The following SUPT20H variants were observed in gnomAD, a reference collection of about 807,000 sequenced individuals.
SUPT20H encodes the protein SPT20 homolog, SAGA complex component.
A neutral mutation model predicts 122.8 loss-of-function variants in SUPT20H; 82 were observed. That is an observed-to-expected ratio of 0.67 (90% CI 0.56 to 0.80). The LOEUF (loss-of-function observed/expected upper bound fraction) is 0.80, where lower values mean the gene tolerates loss of function less well. SUPT20H is among the 30% of genes least tolerant of loss of function. SUPT20H has a pLI of 0.00. For missense variants in SUPT20H, 831 were observed against 921.6 expected (o/e 0.90, Z 1.27); for synonymous variants, 291 against 313.0 (o/e 0.93, Z 0.74).
rs1219518107 is a variant in SUPT20H, at chr13:37,033,570, C to G, written c.586G>C (p.Glu196Gln). The change falls in exon 10 of 26, where the codon GAG (glutamate) becomes CAG (glutamine). Residue 196 changes from glutamate (E) to glutamine (Q), a missense_variant. Physicochemically the swap from Glu to Gln is conservative, Grantham distance 29 (BLOSUM62 2). Transcript: ENST00000350612. ...GCTGTAGCTAGGATGAGCTGGCTCTCAAGCAAAAGTTTGTCTTCCTGAAAT... is the reference window on the plus strand; with the variant it reads ...GCTGTAGCTAGGATGAGCTGGCTCTGAAGCAAAAGTTTGTCTTCCTGAAAT... ...KWTQEDKLLL[E>Q]SQLILATAEP... 1 of 1,613,062 alleles carries G rather than the reference C, an allele frequency of 6.2e-7. No individual in the cohort carries two copies. Among genetic ancestry groups the G allele is most frequent in the Admixed American group, 1.7e-5 (1 of 59,850 alleles).
At chr13:37,012,591 A>G (rs528582776) in intron 23 of SUPT20H, 10 of 199,056 alleles carry the variant, frequency 5.0e-5, no homozygotes, top group African/African-American at 2.3e-4. Flanking sequence ...AGCTTAAAAC[A>G]CCCTTTGTAA....
At chr13:37,050,023 C>A (rs940725982) in intron 2 of SUPT20H, among the ~76,000 whole-genome samples, 1 of 152,074 alleles carries the variant, frequency 6.6e-6, no homozygotes. Flanking sequence ...TACTGCCACC[C>A]TTTGGAAATC....
intron 15 of SUPT20H, among the ~76,000 whole-genome samples, chr13:37,026,455 G>A (rs1402781706): frequency 1.3e-5 from 2 of 152,060 alleles, no homozygotes; most frequent in African/African-American, 4.8e-5. Flanking sequence ...TAATTTGGTT[G>A]ATTTAATTAA....
chr13:37,048,519 A>G lies in SUPT20H; in HGVS notation c.39+45T>C, dbSNP rs774081626. 5.2e-6 allele frequency: 8 copies of G among 1,528,158 alleles called. No homozygotes were observed. The African/African-American group carries it at 5.6e-5, about 11-fold the overall frequency. 94.7% of individuals were successfully genotyped at this position (1,528,158 alleles called of 1,614,324 possible). The stretch of plus-strand genomic sequence containing the variant: ...ATCTCTTAAAACTGAGCTTTTGTCA[A>G]TTAAAGACAACACTATTTCAATATG... On this transcript the variant is annotated intron_variant, in intron 3 of 25. Transcript: ENST00000350612.
chr13:37,055,954 G>A (rs1027462064), intron 1 of SUPT20H, among the ~76,000 whole-genome samples: 7 of 152,136 alleles, frequency 4.6e-5, no homozygotes, highest in Non-Finnish European at 7.4e-5. Context: ...ATCAGTGGGC[G>A]AAGGATATGA....
chr13:37,047,659 T>C (rs1182102596), intron 4 of SUPT20H, 58 bp from the exon 5 acceptor site: 5 of 1,301,616 alleles, frequency 3.8e-6, no homozygotes, highest in Non-Finnish European at 4.1e-6. Flanking sequence ...CATCATGACA[T>C]GAATGTTATT....
chr13:37,012,157 G>A, intron 24 of SUPT20H, 35 bp downstream of exon 24: 1 of 1,499,318 alleles, frequency 6.7e-7, no homozygotes, highest in South Asian at 1.1e-5. Flanking sequence ...GATATGTTTA[G>A]TAAATTCAGC....
At chr13:37,032,794 A>G (rs1223528379) in intron 10 of SUPT20H, among the ~76,000 whole-genome samples, 1 of 152,164 alleles carries the variant, frequency 6.6e-6, no homozygotes, top group Non-Finnish European at 1.5e-5. Flanking sequence ...TCAGGGAATG[A>G]CTATTTGAAG....
At position 37,024,415 on chromosome 13, in the gene SUPT20H, A is replaced by C; in HGVS notation, c.1357T>G (p.Ser453Ala). 1 of 1,576,612 alleles carries C rather than the reference A, an allele frequency of 6.3e-7. No individual in the cohort carries two copies. Among genetic ancestry groups the C allele is most frequent in the Admixed American group, 1.9e-5 (1 of 52,146 alleles). Residue 453 changes from serine (S) to alanine (A), a missense_variant, in exon 18 of 26, where the codon TCG becomes GCG. By Grantham distance (99) the Ser-to-Ala change is moderately conservative (BLOSUM62 1). Coordinates refer to ENST00000350612, the MANE Select transcript of SUPT20H (RefSeq NM_001014286.3). ...TGTTTTACACCCTTCCCCAATACCG[A>C]AGACTGAACTGACACGGTTTCAGTT... ...DQTETVSVQS[S>A]VLGKGVKHRP...
At chr13:37,045,207 C>T (rs762975368) in intron 6 of SUPT20H, 40 bp downstream of exon 6, 6 of 1,606,480 alleles carry the variant, frequency 3.7e-6, no homozygotes, top group Non-Finnish European at 5.1e-6. Context: ...TCCTGCCTAG[C>T]AAAAGTATTT....
rs1229457684 is a variant in SUPT20H, at chr13:37,022,253, A to G, written c.1592-173T>C. 2.6e-5 allele frequency: 40 copies of G among 1,540,084 alleles called. No homozygotes were observed. Among genetic ancestry groups the G allele is most frequent in the Non-Finnish European group, 7.0e-6 (8 of 1,141,164 alleles). On this transcript the variant is annotated intron_variant, in intron 19 of 25. Coordinates refer to ENST00000350612, the MANE Select transcript of SUPT20H (RefSeq NM_001014286.3). The surrounding 1 kb of genome is among the most constrained non-coding windows in gnomAD (Gnocchi z 4.5). ...GGGTACTAGGAGTTGAGCTCTGAGC[A>G]TCAGGAGGGTGTGGGGTCGATGAAG... is the stretch of plus-strand genomic sequence containing the variant.
intron 7 of SUPT20H, among the ~76,000 whole-genome samples, chr13:37,041,108 C>T (rs2065384283): frequency 6.6e-6 from 1 of 152,154 alleles, no homozygotes; most frequent in African/African-American, 2.4e-5. Flanking sequence ...CCAACCTTGC[C>T]AGTGTTTTAG....
At chr13:37,033,355 G>T in intron 10 of SUPT20H, 94 bp downstream of exon 10, 1 of 1,460,702 alleles carries the variant, frequency 6.8e-7, no homozygotes. Flanking sequence ...CACCAAAATC[G>T]GAGCAACCAT....
At chr13:37,046,042 T>A (rs1356846930) in intron 5 of SUPT20H, among the ~76,000 whole-genome samples, 2 of 152,084 alleles carry the variant, frequency 1.3e-5, no homozygotes, top group African/African-American at 2.4e-5. Context: ...TGTCATCAAA[T>A]CTTATTTAGC....
intron 7 of SUPT20H, 26 bp from the exon 8 acceptor site, chr13:37,040,718 T>A: frequency 6.4e-7 from 1 of 1,574,088 alleles, no homozygotes; most frequent in Non-Finnish European, 8.7e-7. Context: ...TACGTAAACG[T>A]CATTTTTTTT....
chr13:37,025,182 T>A (rs1427144659), intron 17 of SUPT20H, 138 bp downstream of exon 17: 14 of 725,358 alleles, frequency 1.9e-5, no homozygotes, highest in Non-Finnish European at 2.7e-5. Flanking sequence ...CCTCAGGTGA[T>A]CCACCCACCT....
intron 1 of SUPT20H, among the ~76,000 whole-genome samples, chr13:37,057,561 G>A (rs1325854363): frequency 1.3e-5 from 2 of 151,790 alleles, no homozygotes; most frequent in East Asian, 3.9e-4. Flanking sequence ...AGGGCCAGGT[G>A]GGGTGTGGCT....
chr13:37,043,537 G>A (rs2065874564), intron 7 of SUPT20H, among the ~76,000 whole-genome samples: 1 of 152,028 alleles, frequency 6.6e-6, no homozygotes, highest in Non-Finnish European at 1.5e-5. Flanking sequence ...TGAGCTAATT[G>A]TTCTAACTAT....
rs2063375178 is a variant in SUPT20H, at chr13:37,031,728, T to C, written c.864+11A>G. 6.3e-7 allele frequency: 1 copy of C among 1,580,626 alleles called. No individual in the cohort carries two copies. The highest frequency in any genetic ancestry group is 1.4e-5 in the African/African-American group (1 of 72,890). On this transcript the variant is annotated intron_variant, in intron 11 of 25. Transcript: ENST00000350612. ...GGCATAATAAGCTTCATTTAAAATA[T>C]ATATACTTACATTTCCTGCCTTAGA...
Sources: gnomAD v4.1 joint callset for allele counts (sites outside exome capture counted in the v4.1 genomes callset) on GRCh38, gnomAD v4.1.1 for gene constraint, Gnocchi (gnomAD v3.1) non-coding constraint, MANE v1.5 for transcripts, NCBI Gene and HGNC (gene_info 2026-07-23, HGNC 2026-07-21) for gene names.